The following GALNT13 variants were observed in gnomAD, a reference collection of about 807,000 sequenced individuals.
GALNT13 encodes the protein polypeptide N-acetylgalactosaminyltransferase 13, also known as UDP-GalNAc:polypeptide N-acetylgalactosaminyltransferase 13.
In GALNT13, 28 loss-of-function variants were observed where a neutral mutation model predicts 64.2. The ratio of observed to expected loss-of-function variants is 0.44; its 90% CI spans 0.32 to 0.60. The LOEUF (loss-of-function observed/expected upper bound fraction) is 0.60. GALNT13 is among the 20% of genes least tolerant of loss of function. The probability of loss-of-function intolerance (pLI) is 0.05; values close to 1 mark genes in which losing one functional copy is unlikely to be tolerated. For missense variants in GALNT13, 577 were observed against 669.8 expected (o/e 0.86, Z 1.53); for synonymous variants, 214 against 224.6 (o/e 0.95, Z 0.42).
the GALNT13 span, chr2:153,478,378 C>G: frequency 6.2e-7 from 1 of 1,613,642 alleles, no homozygotes; most frequent in South Asian, 1.1e-5. Context: ...TGAGAGCACG[C>G]ACATGACCGC....
chr2:153,611,260 C>T, the GALNT13 span, among the ~76,000 whole-genome samples: 1 of 152,120 alleles, frequency 6.6e-6, no homozygotes, highest in Non-Finnish European at 1.5e-5. Context: ...AATGTATTGT[C>T]ACAAAGAATT....
At chr2:153,533,580 T>C in the GALNT13 span, among the ~76,000 whole-genome samples, 1 of 151,794 alleles carries the variant, frequency 6.6e-6, no homozygotes, top group African/African-American at 2.4e-5. Flanking sequence ...TTTTGATCTA[T>C]GTTTTGGAAA....
chr2:153,797,511 G>C, the GALNT13 span, among the ~76,000 whole-genome samples: 1 of 152,058 alleles, frequency 6.6e-6, no homozygotes, highest in East Asian at 1.9e-4. Flanking sequence ...TTAATCTCAA[G>C]GGATCCCTCG....
At chr2:153,429,748 A>G in the GALNT13 span, among the ~76,000 whole-genome samples, 2 of 152,170 alleles carry the variant, frequency 1.3e-5, no homozygotes, top group Non-Finnish European at 2.9e-5. Flanking sequence ...AAATAATGAG[A>G]TCTAGCATTT....
the GALNT13 span, among the ~76,000 whole-genome samples, chr2:153,156,542 C>T: frequency 1.3e-5 from 2 of 152,134 alleles, no homozygotes; most frequent in Non-Finnish European, 2.9e-5. Flanking sequence ...ATCGTTTTCA[C>T]TATTCCCCTA....
intron 9 of GALNT13, among the ~76,000 whole-genome samples, chr2:154,309,330 C>T (rs888363594): frequency 6.6e-6 from 1 of 152,016 alleles, no homozygotes; most frequent in African/African-American, 2.4e-5. Context: ...TCCAGATTCA[C>T]CTTCATCCAG....
In GALNT13 at chr2:154,407,953, G is replaced by A. The variant is rs563229969; in HGVS notation, c.1297-1031G>A. On this transcript the variant is annotated intron_variant, in intron 10 of 12. Coordinates refer to ENST00000392825, the MANE Select transcript of GALNT13 (RefSeq NM_052917.4). ...TATATGTTTATGTAGTAAGTTTCCT[G>A]TCTTATTCATTAGCCAATGTGAGGA... Among the ~76,000 whole-genome samples the A allele has an allele frequency of 2.3e-4, 35 of 152,158 alleles. No individual in the cohort carries two copies. The East Asian group carries it at 2.5e-3, about 11-fold the overall frequency.
the GALNT13 span, among the ~76,000 whole-genome samples, chr2:153,196,708 C>T: frequency 2.0e-5 from 3 of 152,122 alleles, no homozygotes; most frequent in African/African-American, 4.8e-5. Flanking sequence ...TCTGCCCAAC[C>T]GCACTGCTCC....
the GALNT13 span, among the ~76,000 whole-genome samples, chr2:153,781,971 C>A: frequency 2.0e-5 from 3 of 152,116 alleles, no homozygotes; most frequent in Non-Finnish European, 4.4e-5. Flanking sequence ...TTGTGACCTG[C>A]GTGGACAGGT....
At chr2:153,647,601 C>G in the GALNT13 span, among the ~76,000 whole-genome samples, 1 of 152,090 alleles carries the variant, frequency 6.6e-6, no homozygotes, top group Admixed American at 6.6e-5. Context: ...GGTTTTAGGT[C>G]TAACATTGAA....
the GALNT13 span, among the ~76,000 whole-genome samples, chr2:153,864,514 G>T: frequency 6.6e-6 from 1 of 152,086 alleles, no homozygotes. Flanking sequence ...CATTGATTTT[G>T]TATCCTGAGA....
At chr2:153,686,400 T>C in the GALNT13 span, among the ~76,000 whole-genome samples, 1 of 152,082 alleles carries the variant, frequency 6.6e-6, no homozygotes, top group Non-Finnish European at 1.5e-5. Flanking sequence ...TTTATTATTT[T>C]TGTGGCAACT....
At chr2:153,888,574 A>G (rs1056692612) in intron 1 of GALNT13, among the ~76,000 whole-genome samples, 3 of 151,972 alleles carry the variant, frequency 2.0e-5, no homozygotes, top group Admixed American at 6.6e-5. Flanking sequence ...CTCCTGTTTC[A>G]TTCCATCTTG....
the GALNT13 span, among the ~76,000 whole-genome samples, chr2:153,684,292 A>G: frequency 1.0e-3 from 151 of 151,720 alleles, 3 homozygotes; most frequent in East Asian, 0.026. Flanking sequence ...GCCTATTTCC[A>G]TAATAGTTTT....
the GALNT13 span, among the ~76,000 whole-genome samples, chr2:153,312,066 A>C: frequency 4.6e-5 from 7 of 152,346 alleles, no homozygotes; most frequent in Admixed American, 3.3e-4. Context: ...CAAATAATGT[A>C]AATTGCCAAA....
the GALNT13 span, among the ~76,000 whole-genome samples, chr2:153,577,290 G>A: frequency 2.0e-5 from 3 of 152,136 alleles, no homozygotes; most frequent in South Asian, 2.1e-4. Flanking sequence ...AAAACAGTTT[G>A]CTAACAGTCT....
chr2:154,288,979 C>A (rs921025612), intron 8 of GALNT13, among the ~76,000 whole-genome samples: 1 of 152,194 alleles, frequency 6.6e-6, no homozygotes, highest in African/African-American at 2.4e-5. Flanking sequence ...CCCACATTTC[C>A]CTTCCACACT....
the GALNT13 span, among the ~76,000 whole-genome samples, chr2:153,261,704 A>G: frequency 6.6e-6 from 1 of 151,970 alleles, no homozygotes; most frequent in Non-Finnish European, 1.5e-5. Context: ...TGTTCACTCA[A>G]GGCCCAAGGG....
At position 154,041,827 on chromosome 2, in the gene GALNT13, T is replaced by G. The variant is rs1202800356; in HGVS notation, c.142+97188T>G. ...TATACAAGTATAGATTTTACTGCTC[T>G]AGTGATATCATTTACAAGTATAGAT... On this transcript the variant is annotated intron_variant, in intron 3 of 12. Coordinates refer to ENST00000392825, the MANE Select transcript of GALNT13 (RefSeq NM_052917.4). Among the ~76,000 whole-genome samples the G allele has an allele frequency of 4.3e-5, 6 of 140,344 alleles. 1 individual carries two copies. Among genetic ancestry groups the G allele is most frequent in the Non-Finnish European group, 8.2e-5 (5 of 61,138 alleles). 92.1% of individuals were successfully genotyped at this position (140,344 alleles called of 152,430 possible). A position where few individuals can be genotyped will look rare whatever the true frequency, so the allele number is the denominator to read the frequency against.
Sources: gnomAD v4.1 joint callset for allele counts (sites outside exome capture counted in the v4.1 genomes callset) on GRCh38, gnomAD v4.1.1 for gene constraint, MANE v1.5 for transcripts, NCBI Gene and HGNC (gene_info 2026-07-23, HGNC 2026-07-21) for gene names.